The following FGF12 variants were observed in gnomAD, a reference collection of about 807,000 sequenced individuals.
FGF12 encodes the protein fibroblast growth factor 12B.
FGF12 carries 14 observed loss-of-function variants against 23.6 expected under a neutral mutation model. The observed-to-expected ratio is 0.59, with a 90% CI of 0.39 to 0.93. The LOEUF is 0.93. Among genes scored for constraint, FGF12 ranks in the 40% least tolerant of loss-of-function variants. The pLI is 0.00. For synonymous variants in FGF12, 62 were observed against 77.3 expected, an observed-to-expected ratio of 0.80 and a Z score of 1.04; for missense variants, 175 against 217.8, an observed-to-expected ratio of 0.80 and a Z score of 1.24.
intron 2 of FGF12, among the ~76,000 whole-genome samples, chr3:192,516,067 G>A (rs1269510431): frequency 6.6e-6 from 1 of 152,088 alleles, no homozygotes; most frequent in Non-Finnish European, 1.5e-5. Flanking sequence ...TTACTTAACC[G>A]CTCTGTCCCT....
At chr3:192,503,733 G>A (rs1724205882) in intron 2 of FGF12, among the ~76,000 whole-genome samples, 1 of 151,724 alleles carries the variant, frequency 6.6e-6, no homozygotes, top group South Asian at 2.1e-4. Flanking sequence ...AGCCTCCGGA[G>A]TAGCTGGGAC....
At chr3:192,400,411 C>T (rs1720712375) in intron 2 of FGF12, among the ~76,000 whole-genome samples, 3 of 149,046 alleles carry the variant, frequency 2.0e-5, no homozygotes, top group South Asian at 4.3e-4. Context: ...CCATGTGGCC[C>T]GGGCTGGAGT....
chr3:192,174,108 C>G (rs1213273105), intron 4 of FGF12, among the ~76,000 whole-genome samples: 1 of 152,186 alleles, frequency 6.6e-6, no homozygotes, highest in African/African-American at 2.4e-5. Context: ...TTTGGGCAAG[C>G]CTTACTCATA....
chr3:192,377,309 C>T (rs114512880), intron 2 of FGF12, among the ~76,000 whole-genome samples: 2,004 of 152,294 alleles, frequency 0.013, 45 homozygotes, highest in African/African-American at 0.045. Flanking sequence ...GATGCCTATG[C>T]CATTCTAGTA....
At chr3:192,243,692 T>C (rs1222760087) in intron 4 of FGF12, among the ~76,000 whole-genome samples, 2 of 151,676 alleles carry the variant, frequency 1.3e-5, no homozygotes, top group Non-Finnish European at 2.9e-5. Context: ...TCAGAAACTA[T>C]AAAAAAAAGA....
intron 2 of FGF12, among the ~76,000 whole-genome samples, chr3:192,697,152 G>T (rs1718152040): frequency 6.6e-6 from 1 of 152,050 alleles, no homozygotes; most frequent in South Asian, 2.1e-4. Context: ...GAAGGCAGCA[G>T]GCTAATGTGG....
Position 192,408,215 on chromosome 3 carries a change from C to A in FGF12, c.14-47677G>T. On this transcript the variant is annotated intron_variant, in intron 2 of 5. Transcript: ENST00000445105. This position sits in a 1 kb window ranked among gnomAD's most constrained non-coding sequence, Gnocchi z 7.3. Reference sequence around the variant, plus strand: ...GCCGGATCAAGGAGCTGGCTATCGCCGCAGCCATAGCTGCTCAGCGAGGGC... The same window carrying A: ...GCCGGATCAAGGAGCTGGCTATCGCAGCAGCCATAGCTGCTCAGCGAGGGC... The A allele has an allele frequency of 1.2e-6, 2 of 1,602,294 alleles. No homozygotes were observed. Among genetic ancestry groups the A allele is most frequent in the Non-Finnish European group, 1.7e-6 (2 of 1,178,342 alleles).
At chr3:192,220,719 GC>G (rs1718424971) in intron 4 of FGF12, among the ~76,000 whole-genome samples, 1 of 152,136 alleles carries the variant, frequency 6.6e-6, no homozygotes. Context: ...ACTGTGCTAA[GC>G]TCTATATGAC....
At chr3:192,614,084 A>G (rs1014291972) in intron 2 of FGF12, among the ~76,000 whole-genome samples, 1 of 151,870 alleles carries the variant, frequency 6.6e-6, no homozygotes, top group Non-Finnish European at 1.5e-5. Flanking sequence ...CTGAACATAT[A>G]CTTGCTCCAG....
intron 4 of FGF12, among the ~76,000 whole-genome samples, chr3:192,289,211 C>T (rs1057292607): frequency 2.6e-5 from 4 of 152,138 alleles, no homozygotes; most frequent in African/African-American, 7.2e-5. Context: ...TATGTATTCA[C>T]AATGCCAGGC....
chr3:192,335,724 G>A (rs142548765), intron 3 of FGF12, among the ~76,000 whole-genome samples: 524 of 152,112 alleles, frequency 3.4e-3, no homozygotes, highest in Non-Finnish European at 5.6e-3. Context: ...GGCCCAGCTG[G>A]ATCTGAGATT....
chr3:192,494,859 T>TATATATATATATAA (rs1553821378), intron 2 of FGF12, among the ~76,000 whole-genome samples: 24 of 130,498 alleles, frequency 1.8e-4, no homozygotes, highest in African/African-American at 6.7e-4. Flanking sequence ...TATATATATA[T>TATATATATATATAA]AAAATACATT....
At chr3:192,426,669 GA>G (rs1485563789) in intron 2 of FGF12, among the ~76,000 whole-genome samples, 1 of 152,130 alleles carries the variant, frequency 6.6e-6, no homozygotes, top group Admixed American at 6.5e-5. Flanking sequence ...TAATACAAAA[GA>G]AAGATGGTGA....
chr3:192,490,459 A>G (rs200897723), intron 2 of FGF12, among the ~76,000 whole-genome samples: 1 of 152,152 alleles, frequency 6.6e-6, no homozygotes, highest in African/African-American at 2.4e-5. Flanking sequence ...ACAAACATAT[A>G]TAAACATATA....
Position 192,170,662 on chromosome 3 carries a change from G to GAA in FGF12, c.229-7_229-6insTT, listed in dbSNP as rs199817584. On this transcript the variant is annotated splice_region_variant and splice_polypyrimidine_tract_variant and intron_variant, in intron 4 of 5. Coordinates refer to ENST00000445105, the MANE Select transcript of FGF12 (RefSeq NM_004113.6). Reference sequence around the variant, plus strand: ...CATTCTGGAGTGAAAACATCCTGTAGGAAAAAAAAAAAAAGACACAAAAAA... The same window carrying GAA: ...CATTCTGGAGTGAAAACATCCTGTAGAAGAAAAAAAAAAAAAGACACAAAAAA... The GAA allele has an allele frequency of 4.2e-6, 6 of 1,436,680 alleles. No individual in the cohort carries two copies. Among genetic ancestry groups the GAA allele is most frequent in the Admixed American group, 2.5e-5 (1 of 40,724 alleles). The allele number at this position is 1,436,680 out of a possible 1,614,324, so 89.0% of individuals were successfully genotyped here. A position where few individuals can be genotyped will look rare whatever the true frequency, so the allele number is the denominator to read the frequency against.
At chr3:192,217,045 C>A (rs1199489004) in intron 4 of FGF12, among the ~76,000 whole-genome samples, 3 of 152,146 alleles carry the variant, frequency 2.0e-5, no homozygotes, top group African/African-American at 7.2e-5. Context: ...ATACAGTATG[C>A]AAGAGCACAG....
intron 2 of FGF12, among the ~76,000 whole-genome samples, chr3:192,435,340 T>G (rs1721983815): frequency 6.6e-6 from 1 of 152,110 alleles, no homozygotes; most frequent in Non-Finnish European, 1.5e-5. Context: ...GGAAATACAG[T>G]GAAAATTTTA....
intron 2 of FGF12, among the ~76,000 whole-genome samples, chr3:192,644,138 ATT>A (rs531876153): frequency 6.6e-6 from 1 of 152,022 alleles, no homozygotes; most frequent in African/African-American, 2.4e-5. Context: ...TTCCCTAACA[ATT>A]TTTTTTAGTT....
chr3:192,178,740 C>T (rs1419147851), intron 4 of FGF12, among the ~76,000 whole-genome samples: 7 of 152,186 alleles, frequency 4.6e-5, no homozygotes, highest in African/African-American at 9.7e-5. Context: ...TCAGACAATC[C>T]GTCCACCTTG....
Sources: allele counts gnomAD v4.1 joint callset (sites outside exome capture counted in the v4.1 genomes callset), GRCh38; gene constraint gnomAD v4.1.1; non-coding constraint Gnocchi (gnomAD v3.1); transcripts MANE v1.5; gene names NCBI Gene and HGNC (gene_info 2026-07-23, HGNC 2026-07-21).